Variants in ST3GAL2 observed in about 807,000 individuals in gnomAD.
ST3GAL2 encodes ST3 beta-galactoside alpha-2,3-sialyltransferase 2, also known as CMP-N-acetylneuraminate-beta-galactosamide-alpha-2,3-sialyltransferase 2.
A neutral mutation model predicts 37.5 loss-of-function variants in ST3GAL2; 16 were observed. The observed-to-expected ratio is 0.43, with a 90% CI of 0.29 to 0.65. The LOEUF (loss-of-function observed/expected upper bound fraction) is 0.65, where lower values mean the gene tolerates loss of function less well. Ranked by LOEUF, ST3GAL2 falls within the 30% of genes least tolerant of loss-of-function variation. The pLI is 0.17. For synonymous variants in ST3GAL2, 238 were observed against 202.9 expected (o/e 1.17, Z -1.47); for missense variants, 383 against 487.8 (o/e 0.79, Z 2.02).
intron 1 of ST3GAL2, among the ~76,000 whole-genome samples, chr16:70,433,494 C>T (rs1192566835): frequency 4.6e-5 from 7 of 152,054 alleles, no homozygotes; most frequent in Non-Finnish European, 7.4e-5. Context: ...TGCAGGGTTG[C>T]GAGGGAACTG....
At chr16:70,394,817 A>T (rs577591978) in intron 3 of ST3GAL2, among the ~76,000 whole-genome samples, 165 bp downstream of exon 3, 1 of 152,336 alleles carries the variant, frequency 6.6e-6, no homozygotes, top group East Asian at 1.9e-4. Context: ...CACCCCAAAC[A>T]GGTAAAGGAG....
chr16:70,389,769 GTTTGTTTGGGTTT>G (rs1023659360), intron 3 of ST3GAL2, among the ~76,000 whole-genome samples: 1 of 145,314 alleles, frequency 6.9e-6, no homozygotes, highest in African/African-American at 2.6e-5. Flanking sequence ...CAGCCATTTT[GTTTGTTTGGGTTT>G]TTTGTTTGTT....
rs111825010 is a variant in ST3GAL2 at position 70,427,967 on chromosome 16, A to G, written c.-1004+10982T>C. On this transcript the variant is annotated intron_variant, in intron 1 of 6. Transcript: ENST00000342907. ...CATAAGCAAATCTCATTAGATCCCC[A>G]TCTCTAATTCCTCTCATCACAACAG... Among the ~76,000 whole-genome samples the G allele has an allele frequency of 6.0e-4, 92 of 152,224 alleles. 1 individual carries two copies. The highest frequency in any genetic ancestry group is 2.1e-3 in the African/African-American group (88 of 41,518).
At position 70,398,499 on chromosome 16, in the gene ST3GAL2, G is replaced by C; in HGVS notation, c.32C>G (p.Ser11Cys). The change falls in exon 2 of 7, where the codon TCC becomes TGC. Residue 11 changes from serine to cysteine, a missense_variant. This residue lies in a region of ST3GAL2 where 223 missense variants were observed against 239.1 expected (regional missense o/e 0.93). Coordinates refer to ENST00000342907, the MANE Select transcript of ST3GAL2 (RefSeq NM_006927.4). MKCSLRVWFLSVAFLLVFIMS... is the reference protein window; with the variant it reads MKCSLRVWFLCVAFLLVFIMS... Reference sequence around the variant, plus strand: ...GATGAACACCAGCAGGAAGGCCACGGAGAGGAACCACACCCGCAGGGAGCA... The same window carrying C: ...GATGAACACCAGCAGGAAGGCCACGCAGAGGAACCACACCCGCAGGGAGCA... The C allele has an allele frequency of 6.2e-7, 1 of 1,611,802 alleles. No homozygotes were observed. The highest frequency in any genetic ancestry group is 8.5e-7 in the Non-Finnish European group (1 of 1,179,452).
chr16:70,417,602 G>A (rs2047684790), intron 1 of ST3GAL2, among the ~76,000 whole-genome samples: 2 of 152,208 alleles, frequency 1.3e-5, no homozygotes, highest in Admixed American at 6.5e-5. Flanking sequence ...AGAATACAAA[G>A]CTATTATAAT....
At chr16:70,426,019 G>A (rs1235356915) in intron 1 of ST3GAL2, among the ~76,000 whole-genome samples, 1 of 152,142 alleles carries the variant, frequency 6.6e-6, no homozygotes, top group Non-Finnish European at 1.5e-5. Flanking sequence ...CCACAGGGAA[G>A]CCTCAGCAGG....
At chr16:70,385,390 G>A (rs1597554947) in intron 4 of ST3GAL2, among the ~76,000 whole-genome samples, 1 of 152,192 alleles carries the variant, frequency 6.6e-6, no homozygotes, top group Non-Finnish European at 1.5e-5. Context: ...GGGGAGAATG[G>A]AGAGTTAGTG....
At chr16:70,410,239 C>CTTTTTTTTTTT (rs1567672969) in intron 1 of ST3GAL2, among the ~76,000 whole-genome samples, 1 of 78,174 alleles carries the variant, frequency 1.3e-5, no homozygotes, top group African/African-American at 7.1e-5. Flanking sequence ...TCCACCCTCA[C>CTTTTTTTTTTT]CTTTTTTTTT....
chr16:70,425,494 A>T (rs1039551977), intron 1 of ST3GAL2, among the ~76,000 whole-genome samples: 15 of 151,962 alleles, frequency 9.9e-5, no homozygotes, highest in Admixed American at 3.3e-4. Context: ...ATATTGAGGT[A>T]GTGCCAGGTA....
chr16:70,399,923 G>A (rs1357441670), intron 1 of ST3GAL2: 1 of 152,816 alleles, frequency 6.5e-6, no homozygotes, highest in Admixed American at 6.5e-5. Flanking sequence ...AGCACTCTCT[G>A]GAGCCTGTCA....
At chr16:70,384,648 T>C (rs1272231470) in intron 4 of ST3GAL2, among the ~76,000 whole-genome samples, 1 of 139,054 alleles carries the variant, frequency 7.2e-6, no homozygotes, top group African/African-American at 2.7e-5. Context: ...GAGGTTGCAG[T>C]GAGCCGACAT....
chr16:70,433,943 A>T (rs891933776), intron 1 of ST3GAL2, among the ~76,000 whole-genome samples: 1 of 152,208 alleles, frequency 6.6e-6, no homozygotes. Context: ...TCCAGCCCAC[A>T]GGCACTGCTT....
intron 1 of ST3GAL2, among the ~76,000 whole-genome samples, chr16:70,404,839 C>T (rs531959552): frequency 6.2e-4 from 95 of 152,144 alleles, no homozygotes; most frequent in African/African-American, 2.2e-3. Context: ...TCAAGACCAT[C>T]TGGCCAACTT....
chr16:70,410,895 T>G (rs531189380), intron 1 of ST3GAL2, among the ~76,000 whole-genome samples: 2 of 151,600 alleles, frequency 1.3e-5, no homozygotes, highest in Non-Finnish European at 2.9e-5. Flanking sequence ...CTTTTTCGCT[T>G]GCCAACAGAA....
chr16:70,394,187 A>G (rs961047874), intron 3 of ST3GAL2, among the ~76,000 whole-genome samples: 24 of 152,284 alleles, frequency 1.6e-4, no homozygotes, highest in African/African-American at 5.5e-4. Flanking sequence ...ACGGCTGGGC[A>G]TAGAGGTCTT....
chr16:70,409,461 G>A (rs971841188), intron 1 of ST3GAL2, among the ~76,000 whole-genome samples: 2 of 151,842 alleles, frequency 1.3e-5, no homozygotes, highest in African/African-American at 2.4e-5. Flanking sequence ...TTCCTGCCTC[G>A]GTCTCCTGAG....
At position 70,379,013 on chromosome 16, in the gene ST3GAL2, T is replaced by A. The variant is rs1241910222; in HGVS notation, c.*2676A>T. ...ACTCTGTCTCAATAAATAAATAAAT[T>A]AAATAAATAAAAATGCGGGTTGCCT... is the stretch of plus-strand genomic sequence containing the variant. On this transcript the variant is annotated 3_prime_UTR_variant, in exon 7 of 7. Transcript: ENST00000342907. The A allele has an allele frequency of 5.9e-5, 9 of 151,878 alleles. No individual in the cohort carries two copies. The highest frequency in any genetic ancestry group is 7.4e-5 in the Non-Finnish European group (5 of 68,008). The allele number at this position is 151,878 out of a possible 1,614,324, so 9.4% of individuals were successfully genotyped here.
At chr16:70,436,057 C>T (rs896788191) in intron 1 of ST3GAL2, among the ~76,000 whole-genome samples, 5 of 151,022 alleles carry the variant, frequency 3.3e-5, no homozygotes, top group South Asian at 2.1e-4. Flanking sequence ...ACCTGGGAGG[C>T]GGAGGTTGCA....
chr16:70,402,449 A>G (rs2047562594), intron 1 of ST3GAL2, among the ~76,000 whole-genome samples: 1 of 152,200 alleles, frequency 6.6e-6, no homozygotes, highest in Non-Finnish European at 1.5e-5. Context: ...CACAGCATGA[A>G]TCCATGAAAA....
Sources: allele counts gnomAD v4.1 joint callset (sites outside exome capture counted in the v4.1 genomes callset), GRCh38; gene constraint gnomAD v4.1.1; regional missense constraint gnomAD v4.1.1; transcripts MANE v1.5; gene names NCBI Gene and HGNC (gene_info 2026-07-23, HGNC 2026-07-21).